The following TEX15 variants were observed in gnomAD, a reference collection of about 807,000 sequenced individuals.
TEX15 encodes the protein testis expressed 15, meiosis and synapsis associated.
A neutral mutation model predicts 237.3 loss-of-function variants in TEX15; 171 were observed. The ratio of observed to expected loss-of-function variants is 0.72; its 90% confidence interval spans 0.64 to 0.82. The LOEUF (loss-of-function observed/expected upper bound fraction) is 0.82. TEX15 is among the 40% of genes least tolerant of loss of function. The probability of loss-of-function intolerance (pLI) is 0.00; values close to 1 mark genes in which losing one functional copy is unlikely to be tolerated. For synonymous variants in TEX15, 1,338 were observed against 1,269.8 expected (o/e 1.05, Z -1.14); for missense variants, 3,750 against 3,646.5 (o/e 1.03, Z -0.73).
chr8:30,844,167 T>C lies in TEX15; in HGVS notation c.6000A>G (p.Leu2000=), dbSNP rs763980074. 7.4e-6 allele frequency: 12 copies of C among 1,612,946 alleles called. No homozygotes were observed. The highest frequency in any genetic ancestry group is 2.2e-5 in the South Asian group (2 of 90,846). The stretch of plus-strand genomic sequence containing the variant: ...CATCTGCCCTCTGCAAAATTTGAGA[T>C]AGATTAGCTATAAGGGCCGTATGAT... The part of the protein sequence containing the change: ...SANHTALIAN[L]SQILQRADEA... The change falls in exon 8 of 11, where the codon CTA becomes CTG. Residue 2000 remains leucine (L), a synonymous_variant. Transcript: ENST00000643185.
intron 1 of TEX15, among the ~76,000 whole-genome samples, chr8:30,910,159 A>C (rs1328842787): frequency 6.6e-6 from 1 of 151,942 alleles, no homozygotes; most frequent in Non-Finnish European, 1.5e-5. Context: ...ACAGTATATC[A>C]TCCTTCGGTA....
intron 3 of TEX15, among the ~76,000 whole-genome samples, chr8:30,877,987 C>T (rs1023621609): frequency 6.6e-6 from 1 of 152,182 alleles, no homozygotes; most frequent in Admixed American, 6.5e-5. Flanking sequence ...CATTCTCCTA[C>T]CCTGTCCCTA....
chr8:30,843,711 C>G lies in TEX15; in HGVS notation c.6456G>C (p.Leu2152Phe). ...TCTTTTCCCTTTTTGTTTCTTCAAG[C>G]AATTCAACTAATTGATCATGGTAAG... ...LQTYHDQLVE[L>F]LEETKREKNS... Residue 2152 changes from leucine to phenylalanine, a missense_variant, in exon 8 of 11, where the codon TTG becomes TTC. Physicochemically the swap from Leu to Phe is conservative, Grantham distance 22. Transcript: ENST00000643185. The G allele has an allele frequency of 6.2e-7, 1 of 1,612,618 alleles. No homozygotes were observed.
In TEX15 at chr8:30,863,969, A is replaced by C. The variant is rs943494162; in HGVS notation, c.540+3296T>G. Among the ~76,000 whole-genome samples, 10 of 152,240 alleles carry C rather than the reference A, an allele frequency of 6.6e-5. No homozygotes were observed. In the South Asian group the frequency reaches 1.0e-3, roughly 16 times the overall value. On this transcript the variant is annotated intron_variant, in intron 5 of 10. Transcript: ENST00000643185. Reference sequence around the variant, plus strand: ...TAGAGCCCATTCAAAGGAAAAAAAAAACAGAAATTGTCCCTGAAAAAGACC... The same window carrying C: ...TAGAGCCCATTCAAAGGAAAAAAAACACAGAAATTGTCCCTGAAAAAGACC...
intron 1 of TEX15, among the ~76,000 whole-genome samples, chr8:30,912,048 C>T (rs1809231107): frequency 6.6e-6 from 1 of 152,224 alleles, no homozygotes; most frequent in Non-Finnish European, 1.5e-5. Context: ...CACGCGGCAC[C>T]GCATCCCGGG....
At chr8:30,888,277 C>G (rs1808706864) in intron 2 of TEX15, among the ~76,000 whole-genome samples, 1 of 152,170 alleles carries the variant, frequency 6.6e-6, no homozygotes, top group African/African-American at 2.4e-5. Flanking sequence ...AAACGATACT[C>G]TCTTTAAATC....
In TEX15 at chr8:30,849,197, AAC is replaced by A. The variant is rs1807709710; in HGVS notation, c.968_969del (p.Cys323PhefsTer18). The A allele has an allele frequency of 2.6e-6, 4 of 1,537,796 alleles. No homozygotes were observed. Among genetic ancestry groups the A allele is most frequent in the Non-Finnish European group, 3.5e-6 (4 of 1,147,046 alleles). Reference sequence around the variant, plus strand: ...ATCTCTGAATTTAGTGCATTGCATAAACAGTTTTCTTGAACAAATGGATCTAC... The same window carrying A: ...ATCTCTGAATTTAGTGCATTGCATAAAGTTTTCTTGAACAAATGGATCTAC... ...KPVDPFVQEN[C>X]LCNALNSEIN... On this transcript the variant is annotated frameshift_variant, in exon 8 of 11. Transcript: ENST00000643185. LOFTEE classifies it high-confidence loss of function.
chr8:30,866,166 C>G (rs1451007842), intron 5 of TEX15, among the ~76,000 whole-genome samples: 4 of 151,906 alleles, frequency 2.6e-5, no homozygotes, highest in Non-Finnish European at 5.9e-5. Context: ...AAAAGGAAAT[C>G]AGGAAATCAA....
rs1355454821 is a variant in TEX15, at chr8:30,839,930, T to C, written c.8198A>G (p.Glu2733Gly). The change falls in exon 9 of 11, where the codon GAA (glutamate) becomes GGA (glycine). Residue 2733 changes from glutamate (E) to glycine (G), a missense_variant. By Grantham distance (98) the Glu-to-Gly change is moderately conservative. Coordinates refer to ENST00000643185, the MANE Select transcript of TEX15 (RefSeq NM_001350162.2). ...DMKDVTKINR[E>G]KATFKHPRTT... ...CCTTGGATGCTTGAATGTTGCCTTTTCTCTGTTGATTTTTGTGACATCTTT... is the reference window on the plus strand; with the variant it reads ...CCTTGGATGCTTGAATGTTGCCTTTCCTCTGTTGATTTTTGTGACATCTTT... 3 of 1,601,784 alleles carry C rather than the reference T, an allele frequency of 1.9e-6. No homozygotes were observed. The highest frequency in any genetic ancestry group is 2.7e-5 in the African/African-American group (2 of 74,642).
intron 1 of TEX15, among the ~76,000 whole-genome samples, chr8:30,912,359 A>C (rs1465710825): frequency 2.6e-4 from 20 of 76,028 alleles, no homozygotes; most frequent in Non-Finnish European, 3.9e-4. Flanking sequence ...GCCCCCGCGG[A>C]TATCCCCACG....
intron 2 of TEX15, among the ~76,000 whole-genome samples, chr8:30,891,569 T>G (rs1292133111): frequency 6.6e-6 from 1 of 151,842 alleles, no homozygotes; most frequent in Non-Finnish European, 1.5e-5. Context: ...AACCTCTGTC[T>G]CCTGGGTTCA....
chr8:30,907,537 TA>T (rs1277779707), intron 1 of TEX15, among the ~76,000 whole-genome samples: 2 of 144,676 alleles, frequency 1.4e-5, no homozygotes, highest in African/African-American at 5.0e-5. Context: ...AAATTATATA[TA>T]AAATGTATAT....
intron 3 of TEX15, among the ~76,000 whole-genome samples, chr8:30,877,910 A>G (rs558495690): frequency 6.6e-6 from 1 of 152,258 alleles, no homozygotes; most frequent in South Asian, 2.1e-4. Context: ...GAACTGCTCT[A>G]TCACCAGAGA....
intron 5 of TEX15, among the ~76,000 whole-genome samples, chr8:30,861,512 C>G (rs2128770785): frequency 6.6e-6 from 1 of 152,180 alleles, no homozygotes; most frequent in Non-Finnish European, 1.5e-5. Context: ...GAATTGGATC[C>G]TGGAACGCAA....
rs1166879344 is a variant in TEX15 at position 30,875,009 on chromosome 8, T to C, written c.230A>G (p.Gln77Arg). ...TGTATCCCCAAACTGCCATAACGAC[T>C]GCAGATCACAGTTTACATCAAGCCT... Reference protein sequence around the residue: ...QCRLDVNCDLQSLWQFGDTKL... With the variant: ...QCRLDVNCDLRSLWQFGDTKL... Residue 77 changes from glutamine to arginine, a missense_variant, in exon 4 of 11, where the codon CAG (glutamine) becomes CGG (arginine). By Grantham distance (43) the Gln-to-Arg change is conservative. Transcript: ENST00000643185. The C allele has an allele frequency of 2.2e-6, 3 of 1,394,814 alleles. No homozygotes were observed. The highest frequency in any genetic ancestry group is 2.8e-5 in the Admixed American group (1 of 36,202). The allele number at this position is 1,394,814 out of a possible 1,614,324, so 86.4% of individuals were successfully genotyped here.
Position 30,837,638 on chromosome 8 carries a change from T to G in TEX15, c.8646A>C (p.Glu2882Asp). The G allele has an allele frequency of 1.2e-6, 2 of 1,614,114 alleles. No homozygotes were observed. The highest frequency in any genetic ancestry group is 3.3e-4 in the Middle Eastern group (2 of 6,062). The change falls in exon 10 of 11, where the codon GAA becomes GAC. Residue 2882 changes from glutamate (E) to aspartate (D), a missense_variant. Physicochemically the swap from Glu to Asp is conservative, Grantham distance 45. Transcript: ENST00000643185. ...QKSCLSDINP[E>D]TDVSLVPDAS... Reference sequence around the variant, plus strand: ...CATCAGGCACAAGAGAAACATCAGTTTCTGGGTTTATATCAGAAAGGCAGG... The same window carrying G: ...CATCAGGCACAAGAGAAACATCAGTGTCTGGGTTTATATCAGAAAGGCAGG...
At position 30,846,567 on chromosome 8, in the gene TEX15, A is replaced by C. The variant is rs761854744; in HGVS notation, c.3600T>G (p.Ile1200Met). The change falls in exon 8 of 11, where the codon ATT (isoleucine) becomes ATG (methionine). Residue 1200 changes from isoleucine to methionine, a missense_variant. Coordinates refer to ENST00000643185, the MANE Select transcript of TEX15 (RefSeq NM_001350162.2). ...KPEINKEDGE[I>M]LGFDIYSQPF... Reference sequence around the variant, plus strand: ...GCTGGGAATAAATGTCAAATCCTAGAATTTCTCCATCTTCCTTATTTATTT... The same window carrying C: ...GCTGGGAATAAATGTCAAATCCTAGCATTTCTCCATCTTCCTTATTTATTT... The C allele has an allele frequency of 1.3e-5, 21 of 1,613,664 alleles. 1 individual carries two copies. In the South Asian group the frequency reaches 2.3e-4, roughly 18 times the overall value.
chr8:30,896,612 T>G (rs1460368033), intron 2 of TEX15, among the ~76,000 whole-genome samples: 4 of 152,090 alleles, frequency 2.6e-5, no homozygotes, highest in Non-Finnish European at 5.9e-5. Flanking sequence ...TTGTTTTACT[T>G]AAGTTTAAAA....
chr8:30,855,461 T>G (rs569415084), intron 7 of TEX15, among the ~76,000 whole-genome samples: 1 of 152,288 alleles, frequency 6.6e-6, no homozygotes, highest in East Asian at 1.9e-4. Context: ...GACAAAGATA[T>G]GAAGAAATTC....
Sources: gnomAD v4.1 joint callset for allele counts (sites outside exome capture counted in the v4.1 genomes callset) on GRCh38, gnomAD v4.1.1 for gene constraint, MANE v1.5 for transcripts, NCBI Gene and HGNC (gene_info 2026-07-23, HGNC 2026-07-21) for gene names.